The following TACC2 variants were observed in gnomAD, a reference collection of about 807,000 sequenced individuals.
TACC2 encodes transforming acidic coiled-coil containing protein 2.
TACC2 carries 137 observed loss-of-function variants against 227.3 expected under a neutral mutation model. That is an observed-to-expected ratio of 0.60 (90% CI 0.52 to 0.69). The LOEUF (loss-of-function observed/expected upper bound fraction) is 0.69, where lower values mean the gene tolerates loss of function less well. TACC2 is among the 30% of genes least tolerant of loss of function. The pLI, the probability that TACC2 is intolerant of heterozygous loss-of-function variation, is 0.00. For missense variants in TACC2, 3,470 were observed against 3,694.4 expected (o/e 0.94, Z 1.57); for synonymous variants, 1,523 against 1,487.5 (o/e 1.02, Z -0.55).
chr10:122,033,820 TG>T (rs746123670), intron 2 of TACC2, among the ~76,000 whole-genome samples: 3 of 152,074 alleles, frequency 2.0e-5, no homozygotes, highest in Non-Finnish European at 4.4e-5. Context: ...CCTTCACACC[TG>T]GCCAGGCGTG....
In TACC2 at chr10:122,230,348, C is replaced by T; in HGVS notation, c.8038-3C>T. On this transcript the variant is annotated splice_polypyrimidine_tract_variant and splice_region_variant and intron_variant, in intron 15 of 22. Transcript: ENST00000369005. ...GCGGTTTGCCCACACTCCCTGTGGGCAGGAGGAGTTAGAGTTTGCCATCAT... is the reference window on the plus strand; with the variant it reads ...GCGGTTTGCCCACACTCCCTGTGGGTAGGAGGAGTTAGAGTTTGCCATCAT... 6.2e-7 allele frequency: 1 copy of T among 1,613,772 alleles called. No homozygotes were observed. The highest frequency in any genetic ancestry group is 1.3e-5 in the African/African-American group (1 of 75,046).
chr10:122,171,346 G>A (rs960263361), intron 7 of TACC2, among the ~76,000 whole-genome samples: 1 of 152,272 alleles, frequency 6.6e-6, no homozygotes, highest in Admixed American at 6.5e-5. Flanking sequence ...GCCGAGGTAG[G>A]GGGGTGGAGG....
chr10:122,008,090 A>C (rs1365485345), intron 1 of TACC2, among the ~76,000 whole-genome samples: 1 of 152,028 alleles, frequency 6.6e-6, no homozygotes, highest in Non-Finnish European at 1.5e-5. Context: ...TGTATCACAA[A>C]TTACCCAGTC....
chr10:122,099,471 G>A (rs1420084029), intron 5 of TACC2, among the ~76,000 whole-genome samples: 1 of 152,192 alleles, frequency 6.6e-6, no homozygotes, highest in Non-Finnish European at 1.5e-5. Context: ...GTCATTCATA[G>A]TCTCCTTCTG....
chr10:122,162,042 A>G (rs2092845464), intron 7 of TACC2, among the ~76,000 whole-genome samples: 1 of 152,226 alleles, frequency 6.6e-6, no homozygotes. Context: ...GGTGCTTTCC[A>G]GAGCACACCT....
rs752746017 is a variant in TACC2 at position 122,085,051 on chromosome 10, C to T, written c.2551C>T (p.Pro851Ser). 1.4e-5 allele frequency: 23 copies of T among 1,614,058 alleles called. No homozygotes were observed. In the Admixed American group the frequency reaches 3.8e-4, roughly 27 times the overall value. ...IFDVLKEQAQ[P>S]PENGKETSPS... ...TGACGTGCTCAAGGAGCAGGCCCAG[C>T]CACCTGAAAATGGGAAAGAGACTTC... The change falls in exon 4 of 23, where the codon CCA becomes TCA. Residue 851 changes from proline (P) to serine (S), a missense_variant. Physicochemically the swap from Pro to Ser is moderately conservative, Grantham distance 74. Transcript: ENST00000369005.
chr10:122,046,944 C>A (rs2075073352), intron 2 of TACC2, among the ~76,000 whole-genome samples: 1 of 152,040 alleles, frequency 6.6e-6, no homozygotes, highest in Non-Finnish European at 1.5e-5. Flanking sequence ...TATTGTTAAT[C>A]TTGAGTTATT....
At chr10:122,246,253 T>A (rs1400102008) in intron 19 of TACC2, among the ~76,000 whole-genome samples, 2 of 151,994 alleles carry the variant, frequency 1.3e-5, no homozygotes, top group African/African-American at 2.4e-5. Context: ...AAATCCACAC[T>A]CACGTGGGAG....
At chr10:122,190,272 T>G (rs2094361394) in intron 7 of TACC2, among the ~76,000 whole-genome samples, 1 of 152,248 alleles carries the variant, frequency 6.6e-6, no homozygotes, top group South Asian at 2.1e-4. Flanking sequence ...TCTTAGGGTC[T>G]GCATTTTCCA....
At chr10:122,033,138 C>T (rs1959176519) in intron 2 of TACC2, 2 of 1,289,374 alleles carry the variant, frequency 1.6e-6, no homozygotes, top group Non-Finnish European at 2.0e-6. Context: ...GGCCTCCAAA[C>T]CCTGAGCCCA....
intron 16 of TACC2, among the ~76,000 whole-genome samples, chr10:122,231,587 G>A (rs924544826): frequency 1.3e-5 from 2 of 152,182 alleles, no homozygotes; most frequent in Non-Finnish European, 2.9e-5. Context: ...ATCTCTCCTC[G>A]GTGGGTGGAT....
intron 3 of TACC2, among the ~76,000 whole-genome samples, chr10:122,053,725 G>T (rs955680467): frequency 6.6e-5 from 10 of 152,154 alleles, no homozygotes; most frequent in Admixed American, 2.6e-4. Context: ...ACTCTCAGAG[G>T]TTCCCCACTG....
At chr10:122,004,795 C>A (rs1000435922) in intron 1 of TACC2, among the ~76,000 whole-genome samples, 1 of 152,146 alleles carries the variant, frequency 6.6e-6, no homozygotes, top group Non-Finnish European at 1.5e-5. Flanking sequence ...TGCAATCCCC[C>A]CTCTTGATAA....
chr10:122,008,525 C>A (rs551535942), intron 1 of TACC2, among the ~76,000 whole-genome samples: 40 of 149,596 alleles, frequency 2.7e-4, no homozygotes, highest in Non-Finnish European at 1.0e-4. Context: ...CTCCCAAAGT[C>A]CTGGGATTAC....
chr10:122,112,846 C>G (rs1438536260), intron 5 of TACC2, among the ~76,000 whole-genome samples: 4 of 152,096 alleles, frequency 2.6e-5, no homozygotes, highest in African/African-American at 7.2e-5. Flanking sequence ...TCTGCGGCCG[C>G]GGGCCCCTCG....
chr10:122,142,924 T>C (rs891537837), intron 6 of TACC2, among the ~76,000 whole-genome samples: 4 of 152,194 alleles, frequency 2.6e-5, no homozygotes, highest in African/African-American at 9.6e-5. Flanking sequence ...CCTGTGCCTT[T>C]TGGCTTTTGT....
At chr10:122,143,494 TG>T in intron 6 of TACC2, 77 bp from the exon 7 acceptor site, 1 of 1,295,864 alleles carries the variant, frequency 7.7e-7, no homozygotes, top group South Asian at 1.3e-5. Context: ...GTGGGTTGGG[TG>T]GGGTGAATGG....
intron 3 of TACC2, among the ~76,000 whole-genome samples, chr10:122,072,123 C>T (rs11593222): frequency 0.57 from 85,183 of 150,764 alleles, 26,425 homozygotes; most frequent in Non-Finnish European, 0.71. Flanking sequence ...GGACTACAGG[C>T]GCCTGCCACT....
chr10:122,116,457 G>A (rs4752648), intron 5 of TACC2, among the ~76,000 whole-genome samples: 112,226 of 152,064 alleles, frequency 0.74, 44,127 homozygotes, highest in East Asian at 0.93. Context: ...ATCCTATATT[G>A]GAGTTCTTGC....
Sources: allele counts gnomAD v4.1 joint callset (sites outside exome capture counted in the v4.1 genomes callset), GRCh38; gene constraint gnomAD v4.1.1; transcripts MANE v1.5; gene names NCBI Gene and HGNC (gene_info 2026-07-23, HGNC 2026-07-21).